Variants in UBN2 observed in about 807,000 individuals in gnomAD.
UBN2 encodes the protein ubinuclein 2.
UBN2 carries 35 observed loss-of-function variants against 120.2 expected under a neutral mutation model. The ratio of observed to expected loss-of-function variants is 0.29; its 90% CI spans 0.22 to 0.39. The LOEUF (loss-of-function observed/expected upper bound fraction) is 0.39. UBN2 is among the 10% of genes least tolerant of loss of function. The probability of loss-of-function intolerance (pLI) is 1.00; values close to 1 mark genes in which losing one functional copy is unlikely to be tolerated. For missense variants in UBN2, 1,693 were observed against 1,663.2 expected, an observed-to-expected ratio of 1.02 and a Z score of -0.31; for synonymous variants, 661 against 648.7, an observed-to-expected ratio of 1.02 and a Z score of -0.29.
At chr7:139,285,147 C>G (rs1797746397) in intron 15 of UBN2, among the ~76,000 whole-genome samples, 1 of 152,026 alleles carries the variant, frequency 6.6e-6, no homozygotes. Context: ...CCACAGTTTT[C>G]CCGTTCGTGA....
At chr7:139,245,098 T>C (rs1023364051) in intron 2 of UBN2, among the ~76,000 whole-genome samples, 4 of 99,586 alleles carry the variant, frequency 4.0e-5, no homozygotes, top group Non-Finnish European at 5.4e-5. Flanking sequence ...CATGCCCAGC[T>C]TTTTTTTTTT....
intron 13 of UBN2, among the ~76,000 whole-genome samples, chr7:139,280,314 T>A (rs978897775): frequency 6.6e-6 from 1 of 152,210 alleles, no homozygotes; most frequent in African/African-American, 2.4e-5. Flanking sequence ...TGAAAAATTT[T>A]TAATATTTAG....
intron 3 of UBN2, among the ~76,000 whole-genome samples, chr7:139,257,040 A>G (rs961141876): frequency 2.0e-5 from 3 of 152,230 alleles, no homozygotes; most frequent in African/African-American, 7.2e-5. Flanking sequence ...CTTAAAGACT[A>G]GTTAGATGAT....
At chr7:139,297,395 A>C (rs1216687887) in intron 17 of UBN2, among the ~76,000 whole-genome samples, 1 of 152,200 alleles carries the variant, frequency 6.6e-6, no homozygotes, top group Non-Finnish European at 1.5e-5. Flanking sequence ...CAAAAAAAAA[A>C]AAATGAAATT....
chr7:139,251,490 A>G (rs1796623325), intron 2 of UBN2, among the ~76,000 whole-genome samples: 1 of 152,166 alleles, frequency 6.6e-6, no homozygotes, highest in African/African-American at 2.4e-5. Context: ...ATACTGTGGC[A>G]GTTTTTCACA....
In UBN2 at chr7:139,261,390, G is replaced by A; in HGVS notation, c.1044G>A (p.Val348=). Residue 348 remains valine, a synonymous_variant, in exon 6 of 18, where the codon GTG becomes GTA. Transcript: ENST00000473989. ...AGGAGTCTAACCCCAAAGTCCCAGT[G>A]ACCTTGTCAACCCCTTCTCTGAATA... is the stretch of plus-strand genomic sequence containing the variant. ...LKKESNPKVP[V]TLSTPSLNKP... 2 of 1,614,166 alleles carry A rather than the reference G, an allele frequency of 1.2e-6. No individual in the cohort carries two copies. Among genetic ancestry groups the A allele is most frequent in the Non-Finnish European group, 1.7e-6 (2 of 1,180,036 alleles).
the UBN2 span, among the ~76,000 whole-genome samples, chr7:139,321,036 G>T: frequency 1.6e-4 from 24 of 152,164 alleles, no homozygotes; most frequent in Non-Finnish European, 2.8e-4. Context: ...TGAGGAAGGG[G>T]TTACTTTTTA....
At chr7:139,282,766 G>A (rs1563222047) in intron 14 of UBN2, among the ~76,000 whole-genome samples, 1 of 152,118 alleles carries the variant, frequency 6.6e-6, no homozygotes, top group Non-Finnish European at 1.5e-5. Context: ...CATCAGTAAT[G>A]TAACTAGTAT....
the UBN2 span, among the ~76,000 whole-genome samples, chr7:139,330,233 T>C: frequency 2.0e-5 from 3 of 152,228 alleles, no homozygotes; most frequent in Non-Finnish European, 2.9e-5. Flanking sequence ...GGGGTATCTA[T>C]AGAGGCCAAA....
intron 2 of UBN2, among the ~76,000 whole-genome samples, chr7:139,240,883 T>C (rs1796302454): frequency 6.6e-6 from 1 of 152,206 alleles, no homozygotes; most frequent in African/African-American, 2.4e-5. Context: ...AAATTGGTTG[T>C]TGTACATAAA....
At chr7:139,279,250 G>C in intron 12 of UBN2, 68 bp from the exon 13 acceptor site, 1 of 1,211,648 alleles carries the variant, frequency 8.3e-7, no homozygotes, top group South Asian at 1.3e-5. Flanking sequence ...TAATTACAAA[G>C]CTATATAACT....
At chr7:139,232,425 C>CT (rs997903487) in intron 1 of UBN2, among the ~76,000 whole-genome samples, 4 of 152,196 alleles carry the variant, frequency 2.6e-5, no homozygotes, top group African/African-American at 9.7e-5. Context: ...ATCCTCATCA[C>CT]TGTTTGTTTT....
intron 2 of UBN2, among the ~76,000 whole-genome samples, chr7:139,238,539 T>C (rs953459418): frequency 1.3e-5 from 2 of 152,148 alleles, no homozygotes; most frequent in African/African-American, 4.8e-5. Context: ...TTCTTCTGCC[T>C]CAGCCACCTG....
chr7:139,284,231 C>T lies in UBN2; in HGVS notation c.3326C>T (p.Pro1109Leu). ...AQGSHSSTNS[P>L]VHKQPSGMNI... is the part of the protein sequence containing the mutation. The stretch of plus-strand genomic sequence containing the variant: ...GGTAGCCACTCCAGCACTAACAGCC[C>T]AGTCCATAAACAGCCCAGTGGAATG... The change falls in exon 15 of 18, where the codon CCA (proline) becomes CTA (leucine). Residue 1109 changes from proline to leucine, a missense_variant. Transcript: ENST00000473989. 6.2e-7 allele frequency: 1 copy of T among 1,614,196 alleles called. No individual in the cohort carries two copies. Among genetic ancestry groups the T allele is most frequent in the Non-Finnish European group, 8.5e-7 (1 of 1,180,028 alleles).
At chr7:139,273,067 T>C (rs569309645) in intron 9 of UBN2, among the ~76,000 whole-genome samples, 281 of 152,336 alleles carry the variant, frequency 1.8e-3, no homozygotes, top group African/African-American at 6.5e-3. Flanking sequence ...CACAAGTGTT[T>C]TCTGACCTAA....
intron 12 of UBN2, chr7:139,277,013 A>C (rs1797461912): frequency 6.6e-6 from 1 of 151,864 alleles, no homozygotes; most frequent in African/African-American, 2.4e-5. Flanking sequence ...TAGTAAGTGG[A>C]GATCATGCCA....
rs1374923220 is a variant in UBN2 at position 139,307,359 on chromosome 7, G to C, written c.*9523G>C. Reference sequence around the variant, plus strand: ...AACTGGACCTGAACACAAGCTTTGAGTTGATGTTTGTAATAATCTCAGGAC... The same window carrying C: ...AACTGGACCTGAACACAAGCTTTGACTTGATGTTTGTAATAATCTCAGGAC... On this transcript the variant is annotated 3_prime_UTR_variant, in exon 18 of 18. Coordinates refer to ENST00000473989, the MANE Select transcript of UBN2 (RefSeq NM_173569.4). 6.6e-6 allele frequency: 1 copy of C among 151,702 alleles called. No homozygotes were observed. Among genetic ancestry groups the C allele is most frequent in the Non-Finnish European group, 1.5e-5 (1 of 67,984 alleles). 9.4% of individuals were successfully genotyped at this position (151,702 alleles called of 1,614,324 possible). A position where few individuals can be genotyped will look rare whatever the true frequency, so the allele number is the denominator to read the frequency against.
intron 2 of UBN2, among the ~76,000 whole-genome samples, chr7:139,243,393 T>G (rs935064572): frequency 1.3e-5 from 2 of 152,202 alleles, no homozygotes; most frequent in African/African-American, 4.8e-5. Flanking sequence ...TCAGAGAATT[T>G]ATCAAGTAAG....
At chr7:139,325,119 T>A in the UBN2 span, among the ~76,000 whole-genome samples, 3 of 152,208 alleles carry the variant, frequency 2.0e-5, no homozygotes, top group African/African-American at 7.2e-5. Context: ...GTTTCATTTT[T>A]AAAACATTTC....
Sources: gnomAD v4.1 joint callset for allele counts (sites outside exome capture counted in the v4.1 genomes callset) on GRCh38, gnomAD v4.1.1 for gene constraint, MANE v1.5 for transcripts, NCBI Gene and HGNC (gene_info 2026-07-23, HGNC 2026-07-21) for gene names.